Variants in SYN2 observed in about 807,000 individuals in gnomAD.
The protein encoded by SYN2 is synapsin-2.
Under a neutral mutation model 50.9 loss-of-function variants are expected in SYN2, and 19 were observed. That is an observed-to-expected ratio of 0.37 (90% CI 0.26 to 0.55). SYN2 has a LOEUF of 0.55. Among genes scored for constraint, SYN2 ranks in the 20% least tolerant of loss-of-function variants. The probability of loss-of-function intolerance (pLI) is 0.81; values close to 1 mark genes in which losing one functional copy is unlikely to be tolerated. For missense variants in SYN2, 587 were observed against 576.4 expected, an observed-to-expected ratio of 1.02 and a Z score of -0.19; for synonymous variants, 255 against 224.9, an observed-to-expected ratio of 1.13 and a Z score of -1.20.
intron 1 of SYN2, among the ~76,000 whole-genome samples, chr3:12,075,715 A>T (rs985691206): frequency 6.6e-6 from 1 of 152,174 alleles, no homozygotes; most frequent in South Asian, 2.1e-4. Flanking sequence ...TTTATCCTGT[A>T]TATGACCAGT....
intron 5 of SYN2, among the ~76,000 whole-genome samples, chr3:12,158,166 C>T (rs780972983): frequency 9.9e-5 from 15 of 152,068 alleles, no homozygotes; most frequent in Non-Finnish European, 2.1e-4. Flanking sequence ...AGCCCGGGAG[C>T]CTGCAGAGAA....
chr3:12,132,044 C>CTT (rs34414958), intron 1 of SYN2, among the ~76,000 whole-genome samples: 15,504 of 102,942 alleles, frequency 0.15, 1,306 homozygotes, highest in African/African-American at 0.3. Flanking sequence ...CTTTTTTTTT[C>CTT]TTTTTTTTTT....
chr3:12,085,453 A>G (rs909329324), intron 1 of SYN2, among the ~76,000 whole-genome samples: 1 of 152,158 alleles, frequency 6.6e-6, no homozygotes, highest in Non-Finnish European at 1.5e-5. Flanking sequence ...GAAGGGAGAG[A>G]CAGACTGCAA....
chr3:12,058,528 C>T (rs972510091), intron 1 of SYN2, among the ~76,000 whole-genome samples: 4 of 152,148 alleles, frequency 2.6e-5, no homozygotes, highest in African/African-American at 9.7e-5. Context: ...CAATTTGCCT[C>T]AATTATTTCC....
chr3:12,027,951 C>T (rs1414380539), intron 1 of SYN2, among the ~76,000 whole-genome samples: 3 of 141,104 alleles, frequency 2.1e-5, no homozygotes, highest in African/African-American at 7.9e-5. Context: ...ATAAGTAATT[C>T]TTTTTTTTTT....
chr3:12,070,950 G>A (rs1201895646), intron 1 of SYN2: 1 of 549,602 alleles, frequency 1.8e-6, no homozygotes, highest in Non-Finnish European at 3.6e-6. Context: ...CTCTGGAGAA[G>A]AGCTAGGAGC....
At chr3:12,114,850 G>A (rs1440668144) in intron 1 of SYN2, among the ~76,000 whole-genome samples, 2 of 152,146 alleles carry the variant, frequency 1.3e-5, no homozygotes, top group Non-Finnish European at 2.9e-5. Context: ...TGGACAAGGA[G>A]AACGTAGCAG....
chr3:12,005,479 C>G (rs944509845), intron 1 of SYN2, among the ~76,000 whole-genome samples: 3 of 151,870 alleles, frequency 2.0e-5, no homozygotes, highest in Non-Finnish European at 4.4e-5. Context: ...TGTAGTGGCC[C>G]AGGTGTACAC....
At chr3:12,050,268 G>C (rs1050537166) in intron 1 of SYN2, among the ~76,000 whole-genome samples, 1 of 151,516 alleles carries the variant, frequency 6.6e-6, no homozygotes, top group Non-Finnish European at 1.5e-5. Flanking sequence ...GAGTTTATTA[G>C]AGTAAATCCG....
At chr3:12,011,133 A>G (rs1693903422) in intron 1 of SYN2, among the ~76,000 whole-genome samples, 1 of 152,242 alleles carries the variant, frequency 6.6e-6, no homozygotes, top group South Asian at 2.1e-4. Flanking sequence ...GGTGGTGGAT[A>G]TGATCCTGAA....
chr3:12,073,237 C>A (rs1695400389), intron 1 of SYN2, among the ~76,000 whole-genome samples: 1 of 152,264 alleles, frequency 6.6e-6, no homozygotes, highest in Middle Eastern at 3.4e-3. Context: ...TGCTTTTTAA[C>A]TTCTTCAGAG....
intron 1 of SYN2, among the ~76,000 whole-genome samples, chr3:12,106,799 GTAATT>G (rs1339957124): frequency 6.6e-6 from 1 of 152,072 alleles, no homozygotes; most frequent in Admixed American, 6.5e-5. Flanking sequence ...AAAATCATGT[GTAATT>G]TAGTTTTCAA....
intron 1 of SYN2, among the ~76,000 whole-genome samples, chr3:12,093,304 A>G (rs966034358): frequency 6.6e-6 from 1 of 152,194 alleles, no homozygotes; most frequent in African/African-American, 2.4e-5. Flanking sequence ...AATCAAAGAA[A>G]ACTGTGGACA....
intron 1 of SYN2, among the ~76,000 whole-genome samples, chr3:12,110,848 G>A (rs950876551): frequency 2.6e-5 from 4 of 152,218 alleles, no homozygotes; most frequent in Non-Finnish European, 5.9e-5. Flanking sequence ...CCCATTGCCT[G>A]TACCCCCATT....
chr3:12,078,297 G>A (rs1695514619), intron 1 of SYN2, among the ~76,000 whole-genome samples: 1 of 152,128 alleles, frequency 6.6e-6, no homozygotes, highest in Non-Finnish European at 1.5e-5. Context: ...TTTTTGCTGT[G>A]CAGAAGCTCT....
chr3:12,137,600 T>C (rs1574960711), intron 1 of SYN2, among the ~76,000 whole-genome samples: 1 of 152,344 alleles, frequency 6.6e-6, no homozygotes, highest in Middle Eastern at 3.4e-3. Flanking sequence ...AATAAAATAC[T>C]GTATGTCCTT....
At chr3:12,100,700 A>G (rs142273590) in intron 1 of SYN2, among the ~76,000 whole-genome samples, 1 of 152,202 alleles carries the variant, frequency 6.6e-6, no homozygotes, top group African/African-American at 2.4e-5. Context: ...AAATGGGAAA[A>G]AATATTTGCA....
At chr3:12,153,508 G>T (rs768795932) in intron 5 of SYN2, 1 of 1,612,846 alleles carries the variant, frequency 6.2e-7, no homozygotes, top group Non-Finnish European at 8.5e-7. Context: ...ATGGTCACTG[G>T]TCCCTACTAG....
rs1331786038 is a variant in SYN2 at position 12,015,912 on chromosome 3, C to T, written c.377+10984C>T. 2.6e-5 allele frequency among the ~76,000 whole-genome samples: 4 copies of T among 152,180 alleles called. No homozygotes were observed. The East Asian group carries it at 7.7e-4, about 29-fold the overall frequency. ...AATCCCTTTTCCAGGATATATACCTCTTATCTCTTTCTCTGTTCAGGGGGC... is the reference window on the plus strand; with the variant it reads ...AATCCCTTTTCCAGGATATATACCTTTTATCTCTTTCTCTGTTCAGGGGGC... On this transcript the variant is annotated intron_variant, in intron 1 of 12. Coordinates refer to ENST00000621198, the MANE Select transcript of SYN2 (RefSeq NM_133625.6).
Sources: gnomAD v4.1 joint callset for allele counts (sites outside exome capture counted in the v4.1 genomes callset) on GRCh38, gnomAD v4.1.1 for gene constraint, MANE v1.5 for transcripts, NCBI Gene and HGNC (gene_info 2026-07-23, HGNC 2026-07-21) for gene names.